VGLL4: variants seen among roughly 807,000 people sequenced by gnomAD.
VGLL4 encodes the protein vestigial like family member 4, also known as transcription cofactor vestigial-like protein 4.
VGLL4 carries 7 observed loss-of-function variants against 21.0 expected under a neutral mutation model. That is an observed-to-expected ratio of 0.33 (90% CI 0.19 to 0.63). The LOEUF is 0.63. Ranked by LOEUF, VGLL4 falls within the 20% of genes least tolerant of loss-of-function variation. VGLL4 has a pLI of 0.78. For missense variants in VGLL4, 394 were observed against 425.7 expected, an observed-to-expected ratio of 0.93 and a Z score of 0.66; for synonymous variants, 222 against 173.2, an observed-to-expected ratio of 1.28 and a Z score of -2.21.
At chr3:11,569,225 G>A (rs1399131132) in intron 2 of VGLL4, among the ~76,000 whole-genome samples, 1 of 152,196 alleles carries the variant, frequency 6.6e-6, no homozygotes, top group Non-Finnish European at 1.5e-5. Context: ...ATCACCTGAC[G>A]TTCTGAGCCT....
chr3:11,645,574 G>T (rs570467563), upstream of VGLL4, among the ~76,000 whole-genome samples: 2 of 86,500 alleles, frequency 2.3e-5, 1 homozygote, highest in African/African-American at 9.0e-5. Flanking sequence ...TCCGCAGTCC[G>T]GCCTGGGCGA....
rs191842123 is a variant in VGLL4, at chr3:11,612,367, G to A, written c.83-10345C>T. Among the ~76,000 whole-genome samples, 339 of 152,210 alleles carry A rather than the reference G, an allele frequency of 2.2e-3. 3 individuals are homozygous for A. Among genetic ancestry groups the A allele is most frequent in the African/African-American group, 7.8e-3 (322 of 41,534 alleles). On this transcript the variant is annotated intron_variant, in intron 1 of 4. Coordinates refer to ENST00000430365, the MANE Select transcript of VGLL4 (RefSeq NM_001128219.3). ...AACCTCCGTGGAATTGAGTAAGTGG[G>A]GTCAAACTAATGTCTTACTATACAT...
intron 2 of VGLL4, among the ~76,000 whole-genome samples, chr3:11,696,072 G>A (rs1384015214): frequency 6.6e-6 from 1 of 152,148 alleles, no homozygotes; most frequent in Non-Finnish European, 1.5e-5. Context: ...TTCCCGTTTG[G>A]GCTTTCCTGA....
At chr3:11,644,699 A>G (rs1239419951), upstream of VGLL4, among the ~76,000 whole-genome samples, 4 of 152,068 alleles carry the variant, frequency 2.6e-5, no homozygotes, top group Non-Finnish European at 5.9e-5. Flanking sequence ...TACATAAATT[A>G]GCCTGGTGTG....
At chr3:11,703,458 A>G (rs2076712204) in intron 1 of VGLL4, among the ~76,000 whole-genome samples, 1 of 152,218 alleles carries the variant, frequency 6.6e-6, no homozygotes, top group African/African-American at 2.4e-5. Context: ...AACACACGCC[A>G]CGTACTCATG....
chr3:11,583,889 G>A lies in VGLL4; in HGVS notation c.272+17944C>T, dbSNP rs189801101. The stretch of plus-strand genomic sequence containing the variant: ...CCCAGGAGGCCCTCAGGAGAGGTTT[G>A]GGGGGATGGACTGACGAAGTGATGA... On this transcript the variant is annotated intron_variant, in intron 2 of 4. Transcript: ENST00000430365. Among the ~76,000 whole-genome samples the A allele has an allele frequency of 5.9e-5, 9 of 152,302 alleles. No homozygotes were observed. In the East Asian group the frequency reaches 1.5e-3, roughly 26 times the overall value.
intron 2 of VGLL4, among the ~76,000 whole-genome samples, chr3:11,683,882 GT>G (rs1321927090): frequency 1.3e-5 from 2 of 152,082 alleles, no homozygotes; most frequent in East Asian, 1.9e-4. Context: ...TATTCTAAAG[GT>G]TTTACTTTTT....
chr3:11,690,818 ATT>A (rs1231173537), intron 2 of VGLL4, among the ~76,000 whole-genome samples: 3 of 152,146 alleles, frequency 2.0e-5, no homozygotes, highest in African/African-American at 7.2e-5. Flanking sequence ...ATTAAGTTTG[ATT>A]TTTTCAAGCT....
rs1376674855 is a variant in VGLL4, at chr3:11,581,319, G to A, written c.273-16300C>T. On this transcript the variant is annotated intron_variant, in intron 2 of 4. Coordinates refer to ENST00000430365, the MANE Select transcript of VGLL4 (RefSeq NM_001128219.3). Reference sequence around the variant, plus strand: ...TGACCTCAGGTGATCTGCCTGCCTCGGCCTCCTGAAGTTCTGAGATTACAG... The same window carrying A: ...TGACCTCAGGTGATCTGCCTGCCTCAGCCTCCTGAAGTTCTGAGATTACAG... Among the ~76,000 whole-genome samples the A allele has an allele frequency of 7.2e-5, 11 of 152,042 alleles. No individual in the cohort carries two copies. In the East Asian group the frequency reaches 7.7e-4, roughly 11 times the overall value.
chr3:11,608,053 G>A (rs1040907786), intron 1 of VGLL4, among the ~76,000 whole-genome samples: 1 of 152,206 alleles, frequency 6.6e-6, no homozygotes. Flanking sequence ...TATCTTGGGA[G>A]TGCAAGAGGC....
At chr3:11,671,394 G>A (rs751713418) in intron 2 of VGLL4, 35 of 867,482 alleles carry the variant, frequency 4.0e-5, no homozygotes, top group African/African-American at 8.2e-5. Flanking sequence ...CCCAGGTGAC[G>A]CTGTGGGCCA....
chr3:11,667,940 G>A (rs1250090398), intron 2 of VGLL4, among the ~76,000 whole-genome samples: 11 of 127,792 alleles, frequency 8.6e-5, no homozygotes, highest in Admixed American at 7.9e-4. Context: ...TGTAACCTCC[G>A]CCTCCCGGGT....
chr3:11,695,505 G>C (rs981694190), intron 2 of VGLL4, among the ~76,000 whole-genome samples: 18 of 152,112 alleles, frequency 1.2e-4, no homozygotes, highest in Non-Finnish European at 2.4e-4. Context: ...AAGACAGAGA[G>C]AACATGTGCA....
intron 2 of VGLL4, among the ~76,000 whole-genome samples, chr3:11,687,453 T>A (rs937939578): frequency 6.6e-6 from 1 of 152,138 alleles, no homozygotes; most frequent in East Asian, 1.9e-4. Context: ...ATGGTTGATA[T>A]GGGAATGAGT....
At chr3:11,576,167 T>C (rs756586557) in intron 2 of VGLL4, among the ~76,000 whole-genome samples, 4 of 152,180 alleles carry the variant, frequency 2.6e-5, no homozygotes, top group Non-Finnish European at 5.9e-5. Flanking sequence ...GAAGTAGTTG[T>C]GAGAGCACAG....
At chr3:11,672,856 C>T (rs1278425066) in intron 2 of VGLL4, among the ~76,000 whole-genome samples, 1 of 152,132 alleles carries the variant, frequency 6.6e-6, no homozygotes, top group East Asian at 1.9e-4. Context: ...TAAACACGTA[C>T]CTAAGAAGCT....
At chr3:11,629,310 C>G (rs1354981638) in intron 1 of VGLL4, among the ~76,000 whole-genome samples, 1 of 148,762 alleles carries the variant, frequency 6.7e-6, no homozygotes, top group South Asian at 2.1e-4. Flanking sequence ...CTTTGGTATT[C>G]AAAAATAAAA....
intron 1 of VGLL4, among the ~76,000 whole-genome samples, chr3:11,605,986 T>C (rs940354987): frequency 1.3e-5 from 2 of 152,242 alleles, no homozygotes. Context: ...TATTAGTCTG[T>C]TCTCACGTTG....
At chr3:11,646,285 G>C (rs193251295), upstream of VGLL4, among the ~76,000 whole-genome samples, 1 of 152,318 alleles carries the variant, frequency 6.6e-6, no homozygotes, top group Admixed American at 6.5e-5. Context: ...ACAATATCAG[G>C]TATCAGATTT....
Sources: allele counts gnomAD v4.1 joint callset (sites outside exome capture counted in the v4.1 genomes callset), GRCh38; gene constraint gnomAD v4.1.1; transcripts MANE v1.5; gene names NCBI Gene and HGNC (gene_info 2026-07-23, HGNC 2026-07-21).